RPS6KB2: variants seen among roughly 807,000 people sequenced by gnomAD.
The protein encoded by RPS6KB2 is ribosomal protein S6 kinase beta-2.
RPS6KB2 carries 51 observed loss-of-function variants against 58.2 expected under a neutral mutation model. The ratio of observed to expected loss-of-function variants is 0.88; its 90% confidence interval spans 0.70 to 1.11. The LOEUF (loss-of-function observed/expected upper bound fraction) is 1.11, where lower values mean the gene tolerates loss of function less well. Ranked by LOEUF, RPS6KB2 falls within the 50% of genes least tolerant of loss-of-function variation. RPS6KB2 has a pLI of 0.00. For synonymous variants in RPS6KB2, 293 were observed against 258.6 expected (o/e 1.13, Z -1.28); for missense variants, 671 against 655.8 (o/e 1.02, Z -0.25).
chr11:67,433,548 G>A, intron 10 of RPS6KB2, 101 bp downstream of exon 10: 2 of 888,796 alleles, frequency 2.3e-6, no homozygotes, highest in Admixed American at 2.1e-5. Context: ...CCCGGCCTGT[G>A]CAGTTTGCCT....
chr11:67,434,383 G>A lies in RPS6KB2; in HGVS notation c.1054G>A (p.Glu352Lys). The A allele has an allele frequency of 6.2e-7, 1 of 1,613,178 alleles. No homozygotes were observed. Among genetic ancestry groups the A allele is most frequent in the Non-Finnish European group, 8.5e-7 (1 of 1,179,942 alleles). ...DPPFRPCLQS[E>K]EDVSQFDTRF... is the part of the protein sequence containing the mutation. Reference sequence around the variant, plus strand: ...CACTCTGGTCGGCCCACAGCAGTCAGAGGAGGACGTGAGCCAGTTTGATAC... The same window carrying A: ...CACTCTGGTCGGCCCACAGCAGTCAAAGGAGGACGTGAGCCAGTTTGATAC... Residue 352 changes from glutamate to lysine, a missense_variant, in exon 13 of 15, where the codon GAG becomes AAG. Glu to Lys is a moderately conservative substitution (Grantham distance 56). Transcript: ENST00000312629.
intron 14 of RPS6KB2, 102 bp from the exon 15 acceptor site, chr11:67,434,887 T>C: frequency 8.2e-7 from 1 of 1,217,810 alleles, no homozygotes; most frequent in Non-Finnish European, 1.2e-6. Flanking sequence ...GCCCGCGGCC[T>C]GTGTGCCTGG....
chr11:67,433,479 T>G, intron 10 of RPS6KB2, 32 bp downstream of exon 10: 44 of 1,442,418 alleles, frequency 3.1e-5, no homozygotes, highest in Non-Finnish European at 4.0e-5. Flanking sequence ...TCCGGGGCCC[T>G]GCCAGCCATT....
At chr11:67,434,354 T>G (rs776154308) in intron 12 of RPS6KB2, 23 bp from the exon 13 acceptor site, 1 of 1,611,278 alleles carries the variant, frequency 6.2e-7, no homozygotes, top group South Asian at 1.1e-5. Context: ...CTCTGACCCC[T>G]CCCCACTCTG....
At chr11:67,429,692 G>T (rs1863962407) in intron 4 of RPS6KB2, 97 bp downstream of exon 4, 2 of 1,004,264 alleles carry the variant, frequency 2.0e-6, no homozygotes, top group South Asian at 2.8e-5. Context: ...AGTGGAGGAG[G>T]ATCCCTGACT....
At chr11:67,433,075 A>G (rs1335308366) in intron 8 of RPS6KB2, 33 bp downstream of exon 8, 15 of 1,612,062 alleles carry the variant, frequency 9.3e-6, no homozygotes, top group Admixed American at 3.3e-5. Flanking sequence ...AGGGGTCGGG[A>G]GGACAGCCCG....
intron 5 of RPS6KB2, chr11:67,432,019 C>T (rs1307277596): frequency 3.2e-6 from 1 of 310,180 alleles, no homozygotes; most frequent in Non-Finnish European, 6.3e-6. Flanking sequence ...TGGGGCTGCT[C>T]CCAGCCCTTC....
At position 67,434,005 on chromosome 11, in the gene RPS6KB2, G is replaced by C; in HGVS notation, c.917G>C (p.Arg306Pro). 1 of 1,614,134 alleles carries C rather than the reference G, an allele frequency of 6.2e-7. No individual in the cohort carries two copies. The part of the protein sequence containing the change: ...ARDLVKKFLK[R>P]NPSQRIGGGP... Reference sequence around the variant, plus strand: ...CTCCTGGTCCCGCAGTTTCTGAAACGGAATCCCAGCCAGCGGATTGGGGGT... The same window carrying C: ...CTCCTGGTCCCGCAGTTTCTGAAACCGAATCCCAGCCAGCGGATTGGGGGT... Residue 306 changes from arginine (R) to proline (P), a missense_variant, in exon 11 of 15, where the codon CGG (arginine) becomes CCG (proline). By Grantham distance (103) the Arg-to-Pro change is moderately radical. Transcript: ENST00000312629.
chr11:67,435,165 G>A lies in RPS6KB2; in HGVS notation c.1445G>A (p.Arg482His), dbSNP rs759220531. The A allele has an allele frequency of 2.3e-5, 36 of 1,572,400 alleles. No homozygotes were observed. The South Asian group carries it at 2.5e-4, about 11-fold the overall frequency. Residue 482 changes from arginine to histidine, a missense_variant, in exon 15 of 15, where the codon CGC becomes CAC. Coordinates refer to ENST00000312629, the MANE Select transcript of RPS6KB2 (RefSeq NM_003952.3). Reference sequence around the variant, plus strand: ...AAGAGGGGCCGTGGGCGTCCAGGGCGCTAGGAAGCCGGGTGGGGGTGAGGG... The same window carrying A: ...AAGAGGGGCCGTGGGCGTCCAGGGCACTAGGAAGCCGGGTGGGGGTGAGGG... ...KSKRGRGRPG[R>H]
rs765326802 is a variant in RPS6KB2 at position 67,434,298 on chromosome 11, AGTGGCCG to A, written c.1047+29_1047+35del. The A allele has an allele frequency of 4.3e-6, 7 of 1,612,498 alleles. No individual in the cohort carries two copies. In the Admixed American group the frequency reaches 8.3e-5, roughly 19 times the overall value. On this transcript the variant is annotated intron_variant, in intron 12 of 14. Coordinates refer to ENST00000312629, the MANE Select transcript of RPS6KB2 (RefSeq NM_003952.3). Reference sequence around the variant, plus strand: ...CTGGTGAGCAGCAGGGCTGGTGGCCAGTGGCCGGTGGCGGGTGGCAAGTGGAGAACCT... The same window carrying A: ...CTGGTGAGCAGCAGGGCTGGTGGCCAGTGGCGGGTGGCAAGTGGAGAACCT...
rs376486190 is a variant in RPS6KB2 at position 67,434,245 on chromosome 11, G to A, written c.1017G>A (p.Trp339Ter). The A allele has an allele frequency of 3.1e-5, 50 of 1,613,662 alleles. No individual in the cohort carries two copies. Among genetic ancestry groups the A allele is most frequent in the Non-Finnish European group, 4.0e-5 (47 of 1,180,034 alleles). ...RHMNWDDLLA[W>*]RVDPPFRPCL... ...TGAATTGGGACGACCTTCTGGCCTGGCGTGTGGACCCCCCTTTCAGGCCCT... is the reference window on the plus strand; with the variant it reads ...TGAATTGGGACGACCTTCTGGCCTGACGTGTGGACCCCCCTTTCAGGCCCT... The change falls in exon 12 of 15, where the codon TGG becomes TGA. Residue 339 changes from tryptophan (W) to a stop codon, truncating the protein, a stop_gained. Coordinates refer to ENST00000312629, the MANE Select transcript of RPS6KB2 (RefSeq NM_003952.3). LOFTEE classifies it high-confidence loss of function.
At chr11:67,431,622 G>T in intron 5 of RPS6KB2, 107 bp downstream of exon 5, 5 of 1,199,910 alleles carry the variant, frequency 4.2e-6, no homozygotes, top group Non-Finnish European at 5.8e-6. Context: ...GTGGGGGTTG[G>T]CTAGGGGGCC....
Position 67,431,478 on chromosome 11 carries a change from T to C in RPS6KB2, c.420T>C (p.Thr140=). ...FIVELAYAFQ[T]GGKLYLILEC... is the part of the protein sequence containing the mutation. Reference sequence around the variant, plus strand: ...TGGAACTGGCCTATGCCTTCCAGACTGGTGGCAAACTCTACCTCATCCTTG... The same window carrying C: ...TGGAACTGGCCTATGCCTTCCAGACCGGTGGCAAACTCTACCTCATCCTTG... Residue 140 remains threonine (T), a synonymous_variant, in exon 5 of 15, where the codon ACT becomes ACC. Transcript: ENST00000312629. 1 of 1,614,080 alleles carries C rather than the reference T, an allele frequency of 6.2e-7. No individual in the cohort carries two copies. The highest frequency in any genetic ancestry group is 8.5e-7 in the Non-Finnish European group (1 of 1,179,994).
Position 67,435,193 on chromosome 11 carries a change from G to A in RPS6KB2, c.*24G>A. 1 of 1,516,068 alleles carries A rather than the reference G, an allele frequency of 6.6e-7. No homozygotes were observed. The highest frequency in any genetic ancestry group is 1.2e-5 in the South Asian group (1 of 82,390). The allele number at this position is 1,516,068 out of a possible 1,614,324, so 93.9% of individuals were successfully genotyped here. ...AGGAAGCCGGGTGGGGGTGAGGGTA[G>A]CCCTTGAGCCCTGTCCCTGCGGCTG... On this transcript the variant is annotated 3_prime_UTR_variant, in exon 15 of 15. Coordinates refer to ENST00000312629, the MANE Select transcript of RPS6KB2 (RefSeq NM_003952.3).
intron 4 of RPS6KB2, 124 bp from the exon 5 acceptor site, chr11:67,431,244 G>T: frequency 1.2e-6 from 1 of 836,104 alleles, no homozygotes; most frequent in South Asian, 1.6e-5. Context: ...TGGCCAGGCT[G>T]GTCTCAAATT....
At chr11:67,432,259 C>T (rs2135121791) in intron 5 of RPS6KB2, 4 of 556,874 alleles carry the variant, frequency 7.2e-6, no homozygotes, top group South Asian at 6.1e-5. Flanking sequence ...TCTGTCTTCC[C>T]TGTCTTCTCT....
At chr11:67,434,152 A>T (rs1864157367) in intron 11 of RPS6KB2, 46 bp from the exon 12 acceptor site, 1 of 1,612,144 alleles carries the variant, frequency 6.2e-7, no homozygotes, top group Admixed American at 1.7e-5. Context: ...ACCGGGGGGC[A>T]AGCAGGGTGA....
At chr11:67,429,504 AT>A (rs1207606075) in intron 3 of RPS6KB2, 22 bp from the exon 4 acceptor site, 2 of 1,608,720 alleles carry the variant, frequency 1.2e-6, no homozygotes, top group Non-Finnish European at 1.7e-6. Context: ...AGGGAAGTTG[AT>A]CCTGTCTCCC....
Position 67,433,187 on chromosome 11 carries a change from G to C in RPS6KB2, c.769G>C (p.Ala257Pro), listed in dbSNP as rs929541829. 1.0e-5 allele frequency: 16 copies of C among 1,605,598 alleles called. No homozygotes were observed. Among genetic ancestry groups the C allele is most frequent in the Non-Finnish European group, 1.4e-5 (16 of 1,178,216 alleles). Residue 257 changes from alanine (A) to proline (P), a missense_variant, in exon 9 of 15, where the codon GCC (alanine) becomes CCC (proline). By Grantham distance (27) the Ala-to-Pro change is conservative. Coordinates refer to ENST00000312629, the MANE Select transcript of RPS6KB2 (RefSeq NM_003952.3). The stretch of plus-strand genomic sequence containing the variant: ...GGCTGTGGACTGGTGGAGCCTGGGG[G>C]CCCTGATGTACGACATGCTCACTGG... The part of the protein sequence containing the change: ...NRAVDWWSLG[A>P]LMYDMLTGSP...
Sources: allele counts gnomAD v4.1 joint callset, GRCh38; gene constraint gnomAD v4.1.1; transcripts MANE v1.5; gene names NCBI Gene and HGNC (gene_info 2026-07-23, HGNC 2026-07-21).